SMAD6: variants seen among roughly 807,000 people sequenced by gnomAD.
SMAD6 encodes SMAD family member 6.
In SMAD6, 103 loss-of-function variants were observed where a neutral mutation model predicts 39.4. The ratio of observed to expected loss-of-function variants is 2.62; its 90% confidence interval spans 2.23 to 3.08. The LOEUF (loss-of-function observed/expected upper bound fraction) is 3.08, where lower values mean the gene tolerates loss of function less well. SMAD6 is among the 30% of genes most tolerant of loss of function. The probability of loss-of-function intolerance (pLI) is 0.00; values close to 1 mark genes in which losing one functional copy is unlikely to be tolerated. For synonymous variants in SMAD6, 445 were observed against 353.3 expected (o/e 1.26, Z -2.91); for missense variants, 1,104 against 742.9 (o/e 1.49, Z -5.65).
intron 2 of SMAD6, among the ~76,000 whole-genome samples, chr15:66,713,970 A>C (rs1184359884): frequency 1.3e-5 from 2 of 152,206 alleles, no homozygotes; most frequent in African/African-American, 4.8e-5. Flanking sequence ...GTTGAGGTAC[A>C]AACTCAGAGC....
Position 66,704,005 on chromosome 15 carries a change from C to G in SMAD6, c.747C>G (p.Ser249Arg), listed in dbSNP as rs769678314. The G allele has an allele frequency of 1.3e-6, 2 of 1,495,116 alleles. No individual in the cohort carries two copies. The highest frequency in any genetic ancestry group is 1.8e-6 in the Non-Finnish European group (2 of 1,130,762). 92.6% of individuals were successfully genotyped at this position (1,495,116 alleles called of 1,614,324 possible). The change falls in exon 1 of 4, where the codon AGC becomes AGG. Residue 249 changes from serine to arginine, a missense_variant. By Grantham distance (110) the Ser-to-Arg change is moderately radical. Transcript: ENST00000288840. Reference protein sequence around the residue: ...VELKPLCGCHSFAAAADGPTV... With the variant: ...VELKPLCGCHRFAAAADGPTV... ...TGAAGCCCCTGTGCGGCTGCCACAG[C>G]TTCGCCGCCGCCGCCGACGGCCCTA...
intron 3 of SMAD6, among the ~76,000 whole-genome samples, chr15:66,749,167 A>G (rs1202408734): frequency 6.6e-6 from 1 of 152,184 alleles, no homozygotes; most frequent in East Asian, 1.9e-4. Context: ...TCTACAAAAA[A>G]TACAAAAACT....
In SMAD6 at chr15:66,781,392, C is replaced by A. The variant is rs369864879; in HGVS notation, c.1348C>A (p.Pro450Thr). ...CGAGCGCTCGGGCCTGCAGCACGCG[C>A]CCGAGCCCGACGCCGCCGACGGCCC... ...DFERSGLQHA[P>T]EPDAADGPYD... The change falls in exon 4 of 4, where the codon CCC becomes ACC. Residue 450 changes from proline to threonine, a missense_variant. Pro to Thr is a conservative substitution (Grantham distance 38). Coordinates refer to ENST00000288840, the MANE Select transcript of SMAD6 (RefSeq NM_005585.5). The A allele has an allele frequency of 1.2e-5, 20 of 1,602,216 alleles. No homozygotes were observed. The highest frequency in any genetic ancestry group is 8.0e-5 in the African/African-American group (6 of 74,910).
intron 3 of SMAD6, among the ~76,000 whole-genome samples, chr15:66,777,763 G>A (rs1894491674): frequency 6.6e-6 from 1 of 152,196 alleles, no homozygotes; most frequent in South Asian, 2.1e-4. Context: ...CTGTCTCCCT[G>A]AATTTGGGAG....
At chr15:66,711,821 G>C in intron 2 of SMAD6, 97 bp downstream of exon 2, 1 of 996,714 alleles carries the variant, frequency 1.0e-6, no homozygotes, top group Middle Eastern at 2.1e-4. Flanking sequence ...GAGGGCTGGA[G>C]GGCTGGAGGG....
chr15:66,750,829 T>A (rs745514850), intron 3 of SMAD6, among the ~76,000 whole-genome samples: 7 of 152,204 alleles, frequency 4.6e-5, no homozygotes, highest in Non-Finnish European at 1.0e-4. Context: ...CCCCCACTCC[T>A]GGTGCATCTG....
intron 3 of SMAD6, among the ~76,000 whole-genome samples, chr15:66,716,728 C>T (rs544725968): frequency 2.0e-5 from 3 of 152,332 alleles, no homozygotes; most frequent in South Asian, 4.1e-4. Flanking sequence ...CTGTCTACCA[C>T]GTTTTAACCA....
intron 3 of SMAD6, among the ~76,000 whole-genome samples, chr15:66,718,111 C>CGTGT (rs57053370): frequency 0.02 from 2,744 of 137,212 alleles, 69 homozygotes; most frequent in African/African-American, 0.034. Flanking sequence ...ATGGAAAGTC[C>CGTGT]GTGTGTGTGT....
chr15:66,715,939 C>T lies in SMAD6; in HGVS notation c.875-482C>T, dbSNP rs867986564. Among the ~76,000 whole-genome samples the T allele has an allele frequency of 1.7e-4, 26 of 151,692 alleles. 1 individual carries two copies. In the Middle Eastern group the frequency reaches 0.02, roughly 119 times the overall value. On this transcript the variant is annotated intron_variant, in intron 2 of 3. Transcript: ENST00000288840. ...GGGTGTAAGCGGGACAGAGTGAGGACGGCTGGTGACTTGTTAAAACAGTTT... is the reference window on the plus strand; with the variant it reads ...GGGTGTAAGCGGGACAGAGTGAGGATGGCTGGTGACTTGTTAAAACAGTTT...
chr15:66,753,653 A>G (rs1396280530), intron 3 of SMAD6, among the ~76,000 whole-genome samples: 1 of 152,228 alleles, frequency 6.6e-6, no homozygotes, highest in East Asian at 1.9e-4. Flanking sequence ...AGGAGGGCCA[A>G]CGGGATCTAA....
rs1894445785 is a variant in SMAD6 at position 66,775,182 on chromosome 15, C to T, written c.953-5815C>T. 2.0e-5 allele frequency among the ~76,000 whole-genome samples: 3 copies of T among 151,984 alleles called. No individual in the cohort carries two copies. The South Asian group carries it at 6.3e-4, about 32-fold the overall frequency. ...TGGCCACTGTTCTGATTTACGTCGC[C>T]GTAGATTAGTTTGCCTTTTCAAGAG... On this transcript the variant is annotated intron_variant, in intron 3 of 3. Transcript: ENST00000288840.
At chr15:66,765,228 ACTT>A (rs1352578234) in intron 3 of SMAD6, among the ~76,000 whole-genome samples, 1 of 150,912 alleles carries the variant, frequency 6.6e-6, no homozygotes, top group Non-Finnish European at 1.5e-5. Flanking sequence ...CAGGCTCAGG[ACTT>A]CTTTTTTTTT....
intron 3 of SMAD6, among the ~76,000 whole-genome samples, chr15:66,772,497 A>G (rs1894395744): frequency 6.6e-6 from 1 of 152,160 alleles, no homozygotes; most frequent in Non-Finnish European, 1.5e-5. Context: ...GAATATGAAT[A>G]CCCTTATGAA....
Position 66,703,102 on chromosome 15 carries a change from C to A in SMAD6, c.-157C>A, listed in dbSNP as rs1010986289. ...GCTCCCTCATGTTGTCGCCCTGCGG[C>A]GCCCCTTCGACGACAGGCTGTGCGC... is the stretch of plus-strand genomic sequence containing the variant. On this transcript the variant is annotated 5_prime_UTR_variant, in exon 1 of 4. Transcript: ENST00000288840. 2.1e-6 allele frequency: 1 copy of A among 479,314 alleles called. No individual in the cohort carries two copies. The highest frequency in any genetic ancestry group is 5.8e-4 in the Middle Eastern group (1 of 1,722). The allele number at this position is 479,314 out of a possible 1,614,324, so 29.7% of individuals were successfully genotyped here. A position where few individuals can be genotyped will look rare whatever the true frequency, so the allele number is the denominator to read the frequency against.
At chr15:66,779,538 G>T (rs1344424633) in intron 3 of SMAD6, among the ~76,000 whole-genome samples, 2 of 152,208 alleles carry the variant, frequency 1.3e-5, no homozygotes, top group African/African-American at 2.4e-5. Flanking sequence ...CTCCTGCTGG[G>T]TGGCTGGGCG....
chr15:66,768,824 C>T (rs927883787), intron 3 of SMAD6, among the ~76,000 whole-genome samples: 1 of 152,330 alleles, frequency 6.6e-6, no homozygotes, highest in East Asian at 1.9e-4. Flanking sequence ...TTCAGCTCTG[C>T]ATTGCCGAGA....
chr15:66,731,947 T>C lies in SMAD6; in HGVS notation c.952+15449T>C, dbSNP rs1439500177. Among the ~76,000 whole-genome samples the C allele has an allele frequency of 2.6e-5, 4 of 151,224 alleles. No individual in the cohort carries two copies. In the East Asian group the frequency reaches 7.7e-4, roughly 29 times the overall value. ...AGCGGTAGTATCTCATTGTGACTTT[T>C]TTTTTTTTTTTTTTGAGACAGAGTC... is the stretch of plus-strand genomic sequence containing the variant. On this transcript the variant is annotated intron_variant, in intron 3 of 3. Transcript: ENST00000288840.
intron 3 of SMAD6, among the ~76,000 whole-genome samples, chr15:66,718,316 G>C (rs1268759047): frequency 6.6e-6 from 1 of 152,132 alleles, no homozygotes. Flanking sequence ...AGTCTCAGGA[G>C]ATCCCAAGGC....
chr15:66,743,824 A>G (rs1448044355), intron 3 of SMAD6, among the ~76,000 whole-genome samples: 1 of 152,188 alleles, frequency 6.6e-6, no homozygotes, highest in Non-Finnish European at 1.5e-5. Context: ...CTTTTCTCTT[A>G]GCAATACTGA....
Sources: gnomAD v4.1 joint callset for allele counts (sites outside exome capture counted in the v4.1 genomes callset) on GRCh38, gnomAD v4.1.1 for gene constraint, MANE v1.5 for transcripts, NCBI Gene and HGNC (gene_info 2026-07-23, HGNC 2026-07-21) for gene names.